Variants in CEP83 observed in about 807,000 individuals in gnomAD.
The protein encoded by CEP83 is centrosomal protein of 83 kDa.
Under a neutral mutation model 101.9 loss-of-function variants are expected in CEP83, and 70 were observed. That is an observed-to-expected ratio of 0.69 (90% confidence interval 0.57 to 0.84). The LOEUF (loss-of-function observed/expected upper bound fraction) is 0.84. Among genes scored for constraint, CEP83 ranks in the 40% least tolerant of loss-of-function variants. The pLI is 0.00. For missense variants in CEP83, 715 were observed against 787.2 expected (o/e 0.91, Z 1.10); for synonymous variants, 264 against 267.9 (o/e 0.99, Z 0.14).
chr12:94,290,580 C>T, the CEP83 span, among the ~76,000 whole-genome samples: 2 of 152,218 alleles, frequency 1.3e-5, no homozygotes, highest in African/African-American at 2.4e-5. Context: ...CTAAACTTAG[C>T]GGCTGGCTGG....
chr12:94,268,063 G>A, the CEP83 span, among the ~76,000 whole-genome samples: 2 of 152,124 alleles, frequency 1.3e-5, no homozygotes, highest in East Asian at 1.9e-4. Flanking sequence ...GCATCCTCAC[G>A]AACCACTTGA....
the CEP83 span, among the ~76,000 whole-genome samples, chr12:94,299,254 T>G: frequency 5.9e-5 from 9 of 152,278 alleles, no homozygotes; most frequent in East Asian, 1.5e-3. Flanking sequence ...GCCAAAAGTT[T>G]GTGTTTTGTT....
chr12:94,266,379 G>T, the CEP83 span, among the ~76,000 whole-genome samples: 1 of 152,192 alleles, frequency 6.6e-6, no homozygotes, highest in Non-Finnish European at 1.5e-5. Flanking sequence ...GTTCTGAATT[G>T]TATCAATACA....
intron 2 of CEP83, among the ~76,000 whole-genome samples, chr12:94,426,990 T>C (rs2065251390): frequency 6.6e-6 from 1 of 152,262 alleles, no homozygotes; most frequent in Admixed American, 6.5e-5. Flanking sequence ...AATTTTTTTG[T>C]TGTTTTGAGA....
At position 94,378,870 on chromosome 12, in the gene CEP83, G is replaced by A. The variant is rs1246393851; in HGVS notation, c.722C>T (p.Ser241Phe). The change falls in exon 7 of 17, where the codon TCT becomes TTT. Residue 241 changes from serine (S) to phenylalanine (F), a missense_variant. Coordinates refer to ENST00000397809, the MANE Select transcript of CEP83 (RefSeq NM_016122.3). ...VAELKAEKEN[S>F]EAQVENAQRI... ...TTGGGCATTTTCCACCTGAGCCTCA[G>A]AATTCTCCTTTTCAGCCTTTAATTC... is the stretch of plus-strand genomic sequence containing the variant. The A allele has an allele frequency of 6.2e-7, 1 of 1,613,956 alleles. No homozygotes were observed. Among genetic ancestry groups the A allele is most frequent in the African/African-American group, 1.3e-5 (1 of 74,918 alleles).
At chr12:94,304,603 A>G (rs372478341), downstream of CEP83, among the ~76,000 whole-genome samples, 81 of 151,844 alleles carry the variant, frequency 5.3e-4, 1 homozygote, top group East Asian at 3.3e-3. Context: ...TTCCCCCCCA[A>G]TCATGCTGGG....
chr12:94,338,904 G>T (rs1338817271), intron 11 of CEP83, among the ~76,000 whole-genome samples: 2 of 151,826 alleles, frequency 1.3e-5, no homozygotes, highest in Admixed American at 6.6e-5. Context: ...CAACCGTAAG[G>T]ATCATGGTCT....
the CEP83 span, among the ~76,000 whole-genome samples, chr12:94,296,421 A>G: frequency 5.9e-5 from 9 of 152,334 alleles, no homozygotes; most frequent in Admixed American, 4.6e-4. Flanking sequence ...TTGGCTTCCC[A>G]AAGTGCTGGG....
chr12:94,367,496 G>T (rs575645473), intron 11 of CEP83, among the ~76,000 whole-genome samples: 2 of 152,230 alleles, frequency 1.3e-5, no homozygotes, highest in Admixed American at 1.3e-4. Flanking sequence ...CAGATTAAAA[G>T]TAACTAAATG....
At chr12:94,322,901 G>A (rs2058808010) in intron 14 of CEP83, among the ~76,000 whole-genome samples, 1 of 152,238 alleles carries the variant, frequency 6.6e-6, no homozygotes, top group South Asian at 2.1e-4. Flanking sequence ...GGTGACTAGT[G>A]ACCCTGGTCG....
the CEP83 span, among the ~76,000 whole-genome samples, chr12:94,287,844 T>A: frequency 6.6e-6 from 1 of 152,246 alleles, no homozygotes; most frequent in East Asian, 1.9e-4. Flanking sequence ...ATGCTTCTTG[T>A]GTACTGGGTA....
At chr12:94,399,044 C>A (rs1347615565) in intron 6 of CEP83, among the ~76,000 whole-genome samples, 1 of 152,192 alleles carries the variant, frequency 6.6e-6, no homozygotes, top group African/African-American at 2.4e-5. Context: ...GAACATAGAG[C>A]CTTATCAGTA....
chr12:94,376,076 T>C lies in CEP83; in HGVS notation c.802-59A>G, dbSNP rs1252083479. ...ATTTTTCAAGTATTTCAAAATCAAA[T>C]AAGCACTATTTAAAATACATTTATA... On this transcript the variant is annotated intron_variant, in intron 7 of 16. Transcript: ENST00000397809. The C allele has an allele frequency of 2.8e-6, 3 of 1,067,464 alleles. No homozygotes were observed. The African/African-American group carries it at 5.0e-5, about 18-fold the overall frequency. The allele number at this position is 1,067,464 out of a possible 1,614,324, so 66.1% of individuals were successfully genotyped here.
At chr12:94,276,593 T>C in the CEP83 span, among the ~76,000 whole-genome samples, 1 of 152,196 alleles carries the variant, frequency 6.6e-6, no homozygotes, top group Non-Finnish European at 1.5e-5. Flanking sequence ...GGTGAGCTGT[T>C]CCTGGAGCAA....
At chr12:94,452,662 T>A (rs2067344697) in intron 1 of CEP83, among the ~76,000 whole-genome samples, 1 of 152,120 alleles carries the variant, frequency 6.6e-6, no homozygotes, top group Admixed American at 6.5e-5. Flanking sequence ...TGTAATATCA[T>A]CCATAGAGGA....
At chr12:94,425,038 G>A in intron 2 of CEP83, 3 of 943,720 alleles carry the variant, frequency 3.2e-6, no homozygotes, top group Middle Eastern at 7.6e-4. Flanking sequence ...AGAAAGACGG[G>A]GAGGGAGGGA....
chr12:94,459,942 G>T (rs1180406102), upstream of CEP83: 1 of 152,432 alleles, frequency 6.6e-6, no homozygotes, highest in South Asian at 2.1e-4. Context: ...TGGAGGAGCG[G>T]GCTCTGTCCC....
At chr12:94,315,087 G>A (rs1295269133) in intron 14 of CEP83, among the ~76,000 whole-genome samples, 1 of 152,100 alleles carries the variant, frequency 6.6e-6, no homozygotes, top group Non-Finnish European at 1.5e-5. Flanking sequence ...CGCAGATTAA[G>A]TACCTCATTC....
At chr12:94,333,357 T>C in intron 13 of CEP83, 125 bp downstream of exon 13, 1 of 744,294 alleles carries the variant, frequency 1.3e-6, no homozygotes, top group Non-Finnish European at 2.1e-6. Flanking sequence ...TAGACCATTG[T>C]ACACTATTAA....
Sources: allele counts gnomAD v4.1 joint callset (sites outside exome capture counted in the v4.1 genomes callset), GRCh38; gene constraint gnomAD v4.1.1; transcripts MANE v1.5; gene names NCBI Gene and HGNC (gene_info 2026-07-23, HGNC 2026-07-21).